The following NCOA7 variants were observed in gnomAD, a reference collection of about 807,000 sequenced individuals.
NCOA7 encodes nuclear receptor coactivator 7.
A neutral mutation model predicts 104.3 loss-of-function variants in NCOA7; 45 were observed. That is an observed-to-expected ratio of 0.43 (90% CI 0.34 to 0.55). The LOEUF is 0.55. Among genes scored for constraint, NCOA7 ranks in the 20% least tolerant of loss-of-function variants. The pLI is 0.02. For synonymous variants in NCOA7, 398 were observed against 402.3 expected, an observed-to-expected ratio of 0.99 and a Z score of 0.13; for missense variants, 1,041 against 1,119.7, an observed-to-expected ratio of 0.93 and a Z score of 1.00.
chr6:125,820,897 C>T (rs534856219), intron 2 of NCOA7, among the ~76,000 whole-genome samples: 1 of 152,260 alleles, frequency 6.6e-6, no homozygotes, highest in African/African-American at 2.4e-5. Context: ...GTCAAAGGGC[C>T]TTGAGAAACC....
At chr6:125,910,694 T>A (rs1786459773) in intron 10 of NCOA7, among the ~76,000 whole-genome samples, 1 of 152,236 alleles carries the variant, frequency 6.6e-6, no homozygotes, top group African/African-American at 2.4e-5. Context: ...CACAATGCAA[T>A]CCTACTTCTG....
At position 125,855,168 on chromosome 6, in the gene NCOA7, G is replaced by A; in HGVS notation, c.199G>A (p.Glu67Lys). The change falls in exon 3 of 16, where the codon GAG becomes AAG. Residue 67 changes from glutamate (E) to lysine (K), a missense_variant. By Grantham distance (56) the Glu-to-Lys change is moderately conservative. Coordinates refer to ENST00000392477, the MANE Select transcript of NCOA7 (RefSeq NM_181782.5). ...TGTGGAAGAGGAATATATGACTGAT[G>A]AGAAAAAAAAGAGAAAAAGTAATCA... ...IAVEEEYMTD[E>K]KKKRKSNQLK... 4.3e-6 allele frequency: 7 copies of A among 1,612,694 alleles called. No individual in the cohort carries two copies. The highest frequency in any genetic ancestry group is 5.9e-6 in the Non-Finnish European group (7 of 1,179,744).
rs1382018842 is a variant in NCOA7 at position 125,854,947 on chromosome 6, G to C, written c.51-73G>C. The C allele has an allele frequency of 1.0e-5, 10 of 989,700 alleles. No homozygotes were observed. In the Admixed American group the frequency reaches 1.4e-4, roughly 14 times the overall value. The allele number at this position is 989,700 out of a possible 1,614,324, so 61.3% of individuals were successfully genotyped here. On this transcript the variant is annotated intron_variant, in intron 2 of 15. Transcript: ENST00000392477. ...GTTCATTAGTTTTCAAAGTCCAGCA[G>C]CGTGAAATTAATATGATTTCTACCA...
chr6:125,875,615 GTTAC>G (rs1783302972), intron 4 of NCOA7: 1 of 152,058 alleles, frequency 6.6e-6, no homozygotes, highest in Non-Finnish European at 1.5e-5. Flanking sequence ...CTCCATGTTC[GTTAC>G]TACCTTCTGT....
At chr6:125,870,798 T>C (rs1200688911) in intron 3 of NCOA7, among the ~76,000 whole-genome samples, 1 of 152,106 alleles carries the variant, frequency 6.6e-6, no homozygotes, top group Non-Finnish European at 1.5e-5. Flanking sequence ...CCAGGCCCTT[T>C]TATGGTGTGG....
rs748919041 is a variant in NCOA7, at chr6:125,841,207, C to T, written c.51-13813C>T. On this transcript the variant is annotated intron_variant, in intron 2 of 15. Transcript: ENST00000392477. ...GCCTGGCCTACCTTTTATGTTTTTA[C>T]ACCTGTTTAGATACACAAATACTTA... Among the ~76,000 whole-genome samples, 62 of 151,882 alleles carry T rather than the reference C, an allele frequency of 4.1e-4. 4 individuals are homozygous for T. Among genetic ancestry groups the T allele is most frequent in the Middle Eastern group, 6.3e-3 (2 of 316 alleles).
At chr6:125,793,967 T>C (rs1775075667) in intron 1 of NCOA7, among the ~76,000 whole-genome samples, 1 of 152,194 alleles carries the variant, frequency 6.6e-6, no homozygotes, top group South Asian at 2.1e-4. Context: ...AAATGATGTT[T>C]ACGGGGGGTT....
intron 2 of NCOA7, among the ~76,000 whole-genome samples, chr6:125,840,877 T>G (rs1415413539): frequency 1.8e-4 from 3 of 17,104 alleles, no homozygotes; most frequent in Non-Finnish European, 3.0e-4. Flanking sequence ...GGTTTTTTTT[T>G]TTTTTTTTTT....
intron 11 of NCOA7, among the ~76,000 whole-genome samples, chr6:125,919,816 C>T (rs528101277): frequency 4.4e-4 from 67 of 152,294 alleles, no homozygotes; most frequent in Non-Finnish European, 6.6e-4. Flanking sequence ...CTGGCTCAGA[C>T]GCCAGCGGGT....
intron 10 of NCOA7, among the ~76,000 whole-genome samples, chr6:125,895,866 C>A (rs1784961191): frequency 6.6e-6 from 1 of 151,988 alleles, no homozygotes; most frequent in African/African-American, 2.4e-5. Context: ...CTCCCACCAA[C>A]CCTCACCTCC....
chr6:125,919,157 T>C, intron 11 of NCOA7: 1 of 1,358,780 alleles, frequency 7.4e-7, no homozygotes, highest in Non-Finnish European at 9.9e-7. Flanking sequence ...GTGTGTTTGC[T>C]CTAAATCCTA....
At chr6:125,819,026 G>A (rs1777886003) in intron 2 of NCOA7, among the ~76,000 whole-genome samples, 1 of 152,260 alleles carries the variant, frequency 6.6e-6, no homozygotes, top group East Asian at 1.9e-4. Context: ...CCCTGATGCT[G>A]TGCCTGCTGC....
chr6:125,801,700 G>A (rs977618323), intron 1 of NCOA7, among the ~76,000 whole-genome samples: 2 of 152,154 alleles, frequency 1.3e-5, no homozygotes, highest in South Asian at 2.1e-4. Flanking sequence ...AGCTTGCAGC[G>A]GTATAGCTCC....
At chr6:125,915,502 G>A in intron 11 of NCOA7, 22 bp downstream of exon 11, 1 of 1,613,136 alleles carries the variant, frequency 6.2e-7, no homozygotes, top group Non-Finnish European at 8.5e-7. Flanking sequence ...GGCAGGGTTA[G>A]ACCGTCGTAG....
At chr6:125,811,727 C>T (rs1449353506) in intron 1 of NCOA7, among the ~76,000 whole-genome samples, 1 of 152,124 alleles carries the variant, frequency 6.6e-6, no homozygotes, top group Admixed American at 6.5e-5. Context: ...CACTCGAATT[C>T]TTGAATGAGT....
chr6:125,830,531 A>C (rs961766220), intron 2 of NCOA7, among the ~76,000 whole-genome samples: 1 of 152,078 alleles, frequency 6.6e-6, no homozygotes, highest in Non-Finnish European at 1.5e-5. Flanking sequence ...TCTACAAAAA[A>C]TTTTTTTAAA....
chr6:125,914,562 AT>A (rs1377828430), intron 10 of NCOA7, among the ~76,000 whole-genome samples: 1 of 152,240 alleles, frequency 6.6e-6, no homozygotes, highest in Non-Finnish European at 1.5e-5. Flanking sequence ...TCAAATTCAA[AT>A]TATCATTTAG....
intron 3 of NCOA7, among the ~76,000 whole-genome samples, chr6:125,863,153 G>T (rs767460008): frequency 7.2e-6 from 1 of 138,414 alleles, no homozygotes; most frequent in Non-Finnish European, 1.5e-5. Context: ...AGTAGTTAGG[G>T]AGCATGAATG....
At position 125,916,413 on chromosome 6, in the gene NCOA7, C is replaced by G. The variant is rs141655802; in HGVS notation, c.2244+933C>G. ...GCTGTAGTTTGCCAGACCTCAGTTC[C>G]CTTCATCCAGTCAGGCAAGCATGTA... On this transcript the variant is annotated intron_variant, in intron 11 of 15. Transcript: ENST00000392477. Among the ~76,000 whole-genome samples, 316 of 152,242 alleles carry G rather than the reference C, an allele frequency of 2.1e-3. 2 individuals are homozygous for G. Among genetic ancestry groups the G allele is most frequent in the Middle Eastern group, 0.01 (3 of 294 alleles).
Sources: gnomAD v4.1 joint callset for allele counts (sites outside exome capture counted in the v4.1 genomes callset) on GRCh38, gnomAD v4.1.1 for gene constraint, MANE v1.5 for transcripts, NCBI Gene and HGNC (gene_info 2026-07-23, HGNC 2026-07-21) for gene names.